The following SH3PXD2A variants were observed in gnomAD, a reference collection of about 807,000 sequenced individuals.
SH3PXD2A encodes SH3 and PX domains 2A.
Under a neutral mutation model 115.2 loss-of-function variants are expected in SH3PXD2A, and 32 were observed. The observed-to-expected ratio is 0.28, with a 90% CI of 0.21 to 0.37. The LOEUF is 0.37. Among genes scored for constraint, SH3PXD2A ranks in the 10% least tolerant of loss-of-function variants. SH3PXD2A has a pLI of 1.00. For synonymous variants in SH3PXD2A, 610 were observed against 629.1 expected (o/e 0.97, Z 0.45); for missense variants, 1,328 against 1,498.7 (o/e 0.89, Z 1.88).
intron 1 of SH3PXD2A, among the ~76,000 whole-genome samples, chr10:103,805,097 G>A (rs911838350): frequency 2.0e-5 from 3 of 152,298 alleles, no homozygotes; most frequent in East Asian, 1.9e-4. Context: ...CCAACCAAGC[G>A]GAGCCCAGGG....
chr10:103,802,301 T>C (rs1431810796), intron 1 of SH3PXD2A, among the ~76,000 whole-genome samples: 1 of 152,238 alleles, frequency 6.6e-6, no homozygotes, highest in Admixed American at 6.5e-5. Context: ...AACACTTTGC[T>C]ATGTTGAACA....
At chr10:103,737,459 A>G (rs1244490418) in intron 3 of SH3PXD2A, among the ~76,000 whole-genome samples, 3 of 152,174 alleles carry the variant, frequency 2.0e-5, no homozygotes, top group African/African-American at 7.2e-5. Context: ...CCCAGAAACA[A>G]GGATTTGACT....
At chr10:103,708,356 C>T (rs914057348) in intron 5 of SH3PXD2A, among the ~76,000 whole-genome samples, 1 of 152,150 alleles carries the variant, frequency 6.6e-6, no homozygotes, top group Admixed American at 6.5e-5. Flanking sequence ...TCCTCTGGTT[C>T]CTGCAGCACC....
chr10:103,789,919 A>G (rs2039018228), intron 2 of SH3PXD2A, among the ~76,000 whole-genome samples: 1 of 152,138 alleles, frequency 6.6e-6, no homozygotes, highest in African/African-American at 2.4e-5. Context: ...TTATTATTCA[A>G]CAATGAGAGA....
chr10:103,748,051 C>T (rs984938602), intron 3 of SH3PXD2A, among the ~76,000 whole-genome samples: 1 of 151,870 alleles, frequency 6.6e-6, no homozygotes, highest in Non-Finnish European at 1.5e-5. Context: ...TGGTTCCACC[C>T]ATCTCCTGCA....
chr10:103,776,747 T>G (rs1325191791), intron 2 of SH3PXD2A, among the ~76,000 whole-genome samples: 1 of 152,204 alleles, frequency 6.6e-6, no homozygotes, highest in Non-Finnish European at 1.5e-5. Flanking sequence ...CGTGTGTGTC[T>G]GTCTAAATTT....
intron 7 of SH3PXD2A, among the ~76,000 whole-genome samples, chr10:103,664,292 C>A (rs1215667094): frequency 6.6e-6 from 1 of 152,204 alleles, no homozygotes; most frequent in Non-Finnish European, 1.5e-5. Context: ...GGTTAGAGAG[C>A]CCGCAAGGCC....
At chr10:103,663,681 T>C (rs2134063317) in intron 7 of SH3PXD2A, among the ~76,000 whole-genome samples, 1 of 152,350 alleles carries the variant, frequency 6.6e-6, no homozygotes, top group East Asian at 1.9e-4. Context: ...ACTACTTAGA[T>C]CTTTGGGTCC....
At position 103,762,014 on chromosome 10, in the gene SH3PXD2A, C is replaced by CTTTTTTTTTTT. The variant is rs79615908; in HGVS notation, c.229+5069_229+5079dup. ...CACACACTAGGAGCAATCAACACGTCTTTTTTTTTTTTTTTTTTTTTTTTT... is the reference window on the plus strand; with the variant it reads ...CACACACTAGGAGCAATCAACACGTCTTTTTTTTTTTTTTTTTTTTTTTTTTTTTTTTTTTT... On this transcript the variant is annotated intron_variant, in intron 3 of 14. Coordinates refer to ENST00000369774, the MANE Select transcript of SH3PXD2A (RefSeq NM_001394015.1). 6.7e-4 allele frequency among the ~76,000 whole-genome samples: 61 copies of CTTTTTTTTTTT among 90,700 alleles called. 5 individuals are homozygous for CTTTTTTTTTTT. Among genetic ancestry groups the CTTTTTTTTTTT allele is most frequent in the Non-Finnish European group, 1.1e-3 (49 of 44,394 alleles). The allele number at this position is 90,700 out of a possible 152,430, so 59.5% of individuals were successfully genotyped here.
rs554947477 is a variant in SH3PXD2A, at chr10:103,617,923, A to T, written c.803-609T>A. Among the ~76,000 whole-genome samples the T allele has an allele frequency of 2.6e-5, 4 of 152,280 alleles. No homozygotes were observed. In the East Asian group the frequency reaches 7.7e-4, roughly 29 times the overall value. On this transcript the variant is annotated intron_variant, in intron 10 of 14. Transcript: ENST00000369774. Reference sequence around the variant, plus strand: ...TCATGTAATCTCCCAAGAGGAGTCCATGGAACCCAGGTCTCATGGAAGCAG... The same window carrying T: ...TCATGTAATCTCCCAAGAGGAGTCCTTGGAACCCAGGTCTCATGGAAGCAG...
intron 2 of SH3PXD2A, among the ~76,000 whole-genome samples, chr10:103,771,597 A>C (rs1390286089): frequency 1.3e-5 from 2 of 152,028 alleles, no homozygotes; most frequent in African/African-American, 2.4e-5. Flanking sequence ...AAGTACAAAA[A>C]TTAGGTGGGC....
chr10:103,684,193 C>T (rs980764623), intron 6 of SH3PXD2A, among the ~76,000 whole-genome samples: 1 of 152,092 alleles, frequency 6.6e-6, no homozygotes, highest in African/African-American at 2.4e-5. Flanking sequence ...CTCACACTTC[C>T]ACCTGACAGC....
chr10:103,746,108 A>C lies in SH3PXD2A; in HGVS notation c.230-10300T>G, dbSNP rs1424138281. ...TTCTGGTTCGGAGGTTCCCATACCCAGTAAGCAGAGCCAGGCTGAAGGGAA... is the reference window on the plus strand; with the variant it reads ...TTCTGGTTCGGAGGTTCCCATACCCCGTAAGCAGAGCCAGGCTGAAGGGAA... On this transcript the variant is annotated intron_variant, in intron 3 of 14. Coordinates refer to ENST00000369774, the MANE Select transcript of SH3PXD2A (RefSeq NM_001394015.1). The surrounding 1 kb of genome is among the most constrained non-coding windows in gnomAD (Gnocchi z 4.4). 1.3e-5 allele frequency: 2 copies of C among 152,234 alleles called. No homozygotes were observed. The highest frequency in any genetic ancestry group is 4.8e-5 in the African/African-American group (2 of 41,468). The allele number at this position is 152,234 out of a possible 1,614,324, so 9.4% of individuals were successfully genotyped here. A position where few individuals can be genotyped will look rare whatever the true frequency, so the allele number is the denominator to read the frequency against.
Position 103,602,276 on chromosome 10 carries a change from G to A in SH3PXD2A, c.2942C>T (p.Ser981Leu), listed in dbSNP as rs1203701944. 47 of 1,613,080 alleles carry A rather than the reference G, an allele frequency of 2.9e-5. No individual in the cohort carries two copies. Among genetic ancestry groups the A allele is most frequent in the Non-Finnish European group, 3.9e-5 (46 of 1,179,700 alleles). ...GVRQVAVRPQ[S>L]VFVSPPPKDN... ...CTTGGGTGGCGGGGACACAAACACC[G>A]ACTGGGGCCTGACCGCCACCTGCCG... Residue 981 changes from serine (S) to leucine (L), a missense_variant, in exon 15 of 15, where the codon TCG becomes TTG. This residue lies in a region of SH3PXD2A where 574 missense variants were observed against 565.7 expected (regional missense o/e 1.01). Transcript: ENST00000369774.
chr10:103,754,989 A>G (rs2038623436), intron 3 of SH3PXD2A: 1 of 152,202 alleles, frequency 6.6e-6, no homozygotes, highest in Non-Finnish European at 1.5e-5. Flanking sequence ...TGGTGCACAC[A>G]AATCACCTGT....
At chr10:103,626,654 C>T (rs2036700131) in intron 9 of SH3PXD2A, among the ~76,000 whole-genome samples, 2 of 149,572 alleles carry the variant, frequency 1.3e-5, no homozygotes, top group Middle Eastern at 7.2e-3. Context: ...GGGCTGGGTG[C>T]GGTGGCCCAC....
intron 8 of SH3PXD2A, among the ~76,000 whole-genome samples, chr10:103,660,295 T>A (rs1461865388): frequency 6.6e-6 from 1 of 152,118 alleles, no homozygotes; most frequent in Non-Finnish European, 1.5e-5. Flanking sequence ...CCATGACTCC[T>A]GCTGCCAGGG....
rs760101816 is a variant in SH3PXD2A, at chr10:103,612,853, T to A, written c.1258A>T (p.Ser420Cys). ...ARIAPQRAQI[S>C]SPNLRTRPPP... is the part of the protein sequence containing the mutation. Reference sequence around the variant, plus strand: ...ACCTAGAGGTCAGCGAGGCTCTTACTGATCTGGGCCCGCTGAGGGGCAATC... The same window carrying A: ...ACCTAGAGGTCAGCGAGGCTCTTACAGATCTGGGCCCGCTGAGGGGCAATC... Residue 420 changes from serine (S) to cysteine (C), a missense_variant and splice_region_variant, in exon 12 of 15, where the codon AGC (serine) becomes TGC (cysteine). By Grantham distance (112) the Ser-to-Cys change is moderately radical. Transcript: ENST00000369774. 1 of 1,545,108 alleles carries A rather than the reference T, an allele frequency of 6.5e-7. No individual in the cohort carries two copies. The highest frequency in any genetic ancestry group is 8.7e-7 in the Non-Finnish European group (1 of 1,149,244).
At chr10:103,664,048 C>T (rs570208632) in intron 7 of SH3PXD2A, among the ~76,000 whole-genome samples, 22 of 152,352 alleles carry the variant, frequency 1.4e-4, no homozygotes, top group Non-Finnish European at 2.6e-4. Flanking sequence ...GCAGAGGCAG[C>T]GCCGGGTGCT....
Sources: allele counts gnomAD v4.1 joint callset (sites outside exome capture counted in the v4.1 genomes callset), GRCh38; gene constraint gnomAD v4.1.1; regional missense constraint gnomAD v4.1.1; non-coding constraint Gnocchi (gnomAD v3.1); transcripts MANE v1.5; gene names NCBI Gene and HGNC (gene_info 2026-07-23, HGNC 2026-07-21).